GPC6: variants seen among roughly 807,000 people sequenced by gnomAD.
GPC6 encodes glypican 6.
Under a neutral mutation model 55.2 loss-of-function variants are expected in GPC6, and 14 were observed. The ratio of observed to expected loss-of-function variants is 0.25; its 90% confidence interval spans 0.17 to 0.40. GPC6 has a LOEUF of 0.40. GPC6 is among the 10% of genes least tolerant of loss of function. The probability of loss-of-function intolerance (pLI) is 1.00; values close to 1 mark genes in which losing one functional copy is unlikely to be tolerated. For missense variants in GPC6, 641 were observed against 708.5 expected, an observed-to-expected ratio of 0.90 and a Z score of 1.08; for synonymous variants, 278 against 259.6, an observed-to-expected ratio of 1.07 and a Z score of -0.68.
intron 3 of GPC6, among the ~76,000 whole-genome samples, chr13:93,849,475 A>G (rs142994117): frequency 1.2e-4 from 18 of 152,212 alleles, no homozygotes; most frequent in African/African-American, 3.6e-4. Flanking sequence ...GAATGACTGA[A>G]TATAAGCTGA....
intron 1 of GPC6, among the ~76,000 whole-genome samples, chr13:93,238,290 T>A (rs1049557521): frequency 2.0e-5 from 3 of 152,110 alleles, no homozygotes; most frequent in African/African-American, 7.2e-5. Flanking sequence ...CATCCTTGGT[T>A]AAATATATTC....
chr13:93,864,138 T>A (rs889431355), intron 3 of GPC6, among the ~76,000 whole-genome samples: 1 of 151,704 alleles, frequency 6.6e-6, no homozygotes, highest in East Asian at 2.0e-4. Flanking sequence ...CAATGGCAGA[T>A]AGTTAGGCAT....
chr13:93,379,347 T>C (rs1033418456), intron 1 of GPC6, among the ~76,000 whole-genome samples: 18 of 152,210 alleles, frequency 1.2e-4, no homozygotes, highest in Non-Finnish European at 1.8e-4. Context: ...TACTTAGTAA[T>C]TGCAGTTGAT....
intron 4 of GPC6, among the ~76,000 whole-genome samples, chr13:94,139,078 T>TG (rs766515781): frequency 6.7e-6 from 1 of 148,382 alleles, no homozygotes; most frequent in Non-Finnish European, 1.5e-5. Flanking sequence ...AGGAGTTAGC[T>TG]GGGGGAAAAA....
intron 1 of GPC6, among the ~76,000 whole-genome samples, chr13:93,269,466 G>A (rs940161718): frequency 2.6e-5 from 4 of 151,948 alleles, no homozygotes; most frequent in Non-Finnish European, 5.9e-5. Flanking sequence ...ATGACATTTC[G>A]CAGCCCTAGA....
chr13:93,306,111 A>T (rs1350692239), intron 1 of GPC6, among the ~76,000 whole-genome samples: 1 of 152,222 alleles, frequency 6.6e-6, no homozygotes, highest in African/African-American at 2.4e-5. Context: ...GCAGTGGGGT[A>T]CTGAACAGTC....
chr13:93,734,326 T>C (rs1268565302), intron 2 of GPC6, among the ~76,000 whole-genome samples: 1 of 152,174 alleles, frequency 6.6e-6, no homozygotes, highest in African/African-American at 2.4e-5. Flanking sequence ...TGTAGAGTTA[T>C]TGTTTCACAA....
intron 4 of GPC6, among the ~76,000 whole-genome samples, chr13:94,202,901 G>A (rs1425118608): frequency 2.0e-5 from 3 of 151,916 alleles, no homozygotes; most frequent in African/African-American, 7.3e-5. Context: ...ATTTTCTAGT[G>A]CAATAGGAAA....
intron 2 of GPC6, among the ~76,000 whole-genome samples, chr13:93,583,457 T>C (rs1381011661): frequency 1.6e-4 from 24 of 152,198 alleles, no homozygotes; most frequent in Non-Finnish European, 1.5e-5. Flanking sequence ...TCATTTTTGT[T>C]TCCCATGCTG....
At chr13:93,765,611 T>G (rs1471521902) in intron 2 of GPC6, among the ~76,000 whole-genome samples, 2 of 152,174 alleles carry the variant, frequency 1.3e-5, no homozygotes, top group African/African-American at 4.8e-5. Flanking sequence ...ACCTGCATTA[T>G]TCATAGTAAG....
chr13:93,854,881 A>T (rs1888541910), intron 3 of GPC6, among the ~76,000 whole-genome samples: 1 of 132,168 alleles, frequency 7.6e-6, no homozygotes, highest in Admixed American at 8.2e-5. Context: ...TTTTCAGAGC[A>T]GTTTTAGGTC....
intron 6 of GPC6, among the ~76,000 whole-genome samples, chr13:94,345,861 C>T (rs912001257): frequency 2.6e-5 from 4 of 152,146 alleles, no homozygotes; most frequent in African/African-American, 9.7e-5. Flanking sequence ...AGTTCTGAAG[C>T]CTAGACGTCT....
At chr13:93,673,753 G>A (rs1295013885) in intron 2 of GPC6, among the ~76,000 whole-genome samples, 1 of 152,026 alleles carries the variant, frequency 6.6e-6, no homozygotes, top group Non-Finnish European at 1.5e-5. Flanking sequence ...AACAGAATAT[G>A]GAAAGATATA....
chr13:94,317,662 C>A (rs2139125713), intron 6 of GPC6, among the ~76,000 whole-genome samples: 1 of 152,252 alleles, frequency 6.6e-6, no homozygotes, highest in African/African-American at 2.4e-5. Context: ...TCTCTTTTGT[C>A]AAGTTTTTTT....
chr13:93,444,449 A>C (rs1900046), intron 1 of GPC6, among the ~76,000 whole-genome samples: 47,240 of 151,904 alleles, frequency 0.31, 7,488 homozygotes, highest in East Asian at 0.36. Context: ...CCTACTAAAA[A>C]TACAAAAATT....
chr13:93,519,316 G>A (rs1005492491), intron 1 of GPC6, among the ~76,000 whole-genome samples: 3 of 151,894 alleles, frequency 2.0e-5, no homozygotes, highest in African/African-American at 7.3e-5. Context: ...TGTTACATAT[G>A]CAAACATGCA....
chr13:94,240,740 C>T (rs1891032719), intron 4 of GPC6, among the ~76,000 whole-genome samples: 1 of 152,084 alleles, frequency 6.6e-6, no homozygotes, highest in African/African-American at 2.4e-5. Flanking sequence ...AGTGTGGGGG[C>T]ACAGCAGTGA....
intron 1 of GPC6, among the ~76,000 whole-genome samples, chr13:93,507,087 A>G (rs1455570201): frequency 1.4e-5 from 2 of 145,764 alleles, no homozygotes; most frequent in Non-Finnish European, 3.0e-5. Context: ...AAAAAAAAAA[A>G]AAAGCCCGGA....
chr13:94,140,713 G>A (rs1426992597), intron 4 of GPC6, among the ~76,000 whole-genome samples: 3 of 152,114 alleles, frequency 2.0e-5, no homozygotes, highest in African/African-American at 7.2e-5. Flanking sequence ...CCAGGTCATT[G>A]TAAACCTCCA....
Sources: gnomAD v4.1 joint callset for allele counts (sites outside exome capture counted in the v4.1 genomes callset) on GRCh38, gnomAD v4.1.1 for gene constraint, MANE v1.5 for transcripts, NCBI Gene and HGNC (gene_info 2026-07-23, HGNC 2026-07-21) for gene names.